Variants in ANKS1B observed in about 807,000 individuals in gnomAD.
ANKS1B encodes ankyrin repeat and sterile alpha motif domain-containing protein 1B.
In ANKS1B, 36 loss-of-function variants were observed where a neutral mutation model predicts 148.3. The ratio of observed to expected loss-of-function variants is 0.24; its 90% CI spans 0.19 to 0.32. ANKS1B has a LOEUF of 0.32. ANKS1B is among the 10% of genes least tolerant of loss of function. The pLI is 1.00. For synonymous variants in ANKS1B, 542 were observed against 560.8 expected, an observed-to-expected ratio of 0.97 and a Z score of 0.47; for missense variants, 1,157 against 1,542.6, an observed-to-expected ratio of 0.75 and a Z score of 4.19.
intron 15 of ANKS1B, among the ~76,000 whole-genome samples, chr12:99,104,177 G>A (rs545385921): frequency 9.9e-5 from 15 of 152,250 alleles, no homozygotes; most frequent in Non-Finnish European, 2.1e-4. Context: ...CTATGAGGGG[G>A]CTTTTGCAAT....
intron 17 of ANKS1B, among the ~76,000 whole-genome samples, chr12:99,021,201 T>G (rs1271992266): frequency 6.6e-6 from 1 of 152,112 alleles, no homozygotes; most frequent in East Asian, 1.9e-4. Context: ...CCAAAGCCCA[T>G]GTTGTTCCCA....
At chr12:98,775,857 G>A (rs926975722) in intron 24 of ANKS1B, among the ~76,000 whole-genome samples, 10 of 152,128 alleles carry the variant, frequency 6.6e-5, no homozygotes, top group Non-Finnish European at 1.2e-4. Flanking sequence ...CCTTCTCCCC[G>A]ACTGTGGAAA....
At chr12:99,314,689 T>C (rs1176216072) in intron 12 of ANKS1B, among the ~76,000 whole-genome samples, 1 of 152,112 alleles carries the variant, frequency 6.6e-6, no homozygotes, top group Admixed American at 6.5e-5. Flanking sequence ...ATTCAATAAA[T>C]GGTGGTGGGA....
chr12:99,010,072 A>T (rs185290799), intron 17 of ANKS1B, among the ~76,000 whole-genome samples: 1 of 152,122 alleles, frequency 6.6e-6, no homozygotes, highest in African/African-American at 2.4e-5. Flanking sequence ...ATCTTTGCCT[A>T]TTGCCAACTG....
chr12:98,800,217 G>GAAAAAAAA (rs770133422), intron 21 of ANKS1B, among the ~76,000 whole-genome samples: 1 of 39,174 alleles, frequency 2.6e-5, no homozygotes, highest in African/African-American at 8.4e-5. Context: ...AGCAGAAAAT[G>GAAAAAAAA]AAAAAAAAAA....
chr12:99,792,278 A>C (rs1355317624), intron 4 of ANKS1B, among the ~76,000 whole-genome samples: 1 of 151,910 alleles, frequency 6.6e-6, no homozygotes, highest in Non-Finnish European at 1.5e-5. Context: ...AGAAAAGTGC[A>C]GGACCGATGA....
intron 11 of ANKS1B, among the ~76,000 whole-genome samples, chr12:99,430,076 A>G (rs1469210904): frequency 6.6e-6 from 1 of 151,908 alleles, no homozygotes; most frequent in Non-Finnish European, 1.5e-5. Context: ...CTTTAGAAAA[A>G]AAAGATCTTT....
chr12:99,854,308 G>A (rs116690524), intron 1 of ANKS1B, among the ~76,000 whole-genome samples: 1,626 of 152,144 alleles, frequency 0.011, 29 homozygotes, highest in African/African-American at 0.038. Context: ...CACCACTCCC[G>A]GCCAAGACAA....
chr12:99,426,589 G>C (rs1252026699), intron 11 of ANKS1B, among the ~76,000 whole-genome samples: 1 of 152,102 alleles, frequency 6.6e-6, no homozygotes, highest in Admixed American at 6.5e-5. Context: ...AAATTTCACA[G>C]ACTAGTAAGA....
intron 11 of ANKS1B, among the ~76,000 whole-genome samples, chr12:99,416,985 C>A (rs1038280990): frequency 6.6e-6 from 1 of 152,158 alleles, no homozygotes; most frequent in Admixed American, 6.5e-5. Flanking sequence ...TGCAGTCAGG[C>A]CCCCTCTGAT....
chr12:99,888,860 T>C (rs1272760786), intron 1 of ANKS1B, among the ~76,000 whole-genome samples: 1 of 152,036 alleles, frequency 6.6e-6, no homozygotes, highest in East Asian at 1.9e-4. Context: ...TTGTTTCAAA[T>C]TGTATCTCTT....
intron 9 of ANKS1B, among the ~76,000 whole-genome samples, chr12:99,505,722 G>A (rs1228025828): frequency 2.0e-5 from 3 of 150,934 alleles, no homozygotes; most frequent in African/African-American, 4.9e-5. Flanking sequence ...GAAGTTCACA[G>A]TCTGCTGGAG....
rs376631883 is a variant in ANKS1B at position 99,229,767 on chromosome 12, T to C, written c.2419+14575A>G. Among the ~76,000 whole-genome samples, 3 of 152,048 alleles carry C rather than the reference T, an allele frequency of 2.0e-5. No homozygotes were observed. The East Asian group carries it at 5.8e-4, about 29-fold the overall frequency. On this transcript the variant is annotated intron_variant, in intron 14 of 26. Coordinates refer to ENST00000683438, the MANE Select transcript of ANKS1B (RefSeq NM_001352186.2). ...TCTTCTGTTGCCGGTATGAGGTCAC[T>C]AATGGTAGATTTTAGAAAATGCGCT...
chr12:99,721,950 T>C (rs1469843790), intron 8 of ANKS1B, among the ~76,000 whole-genome samples: 1 of 152,240 alleles, frequency 6.6e-6, no homozygotes, highest in Non-Finnish European at 1.5e-5. Flanking sequence ...AAAGTTTTAG[T>C]GCTCTGGAAA....
At chr12:99,978,881 C>T (rs560130327) in intron 1 of ANKS1B, among the ~76,000 whole-genome samples, 18 of 152,270 alleles carry the variant, frequency 1.2e-4, no homozygotes, top group Non-Finnish European at 2.1e-4. Context: ...TTACTAAATA[C>T]ACCTTATATA....
chr12:98,905,385 G>C (rs569406492), intron 17 of ANKS1B, among the ~76,000 whole-genome samples: 31 of 152,214 alleles, frequency 2.0e-4, no homozygotes, highest in African/African-American at 7.5e-4. Flanking sequence ...ACCCACATTG[G>C]CTCACAAGAG....
rs763899303 is a variant in ANKS1B at position 98,798,975 on chromosome 12, T to A, written c.3301A>T (p.Arg1101Trp). 1.9e-6 allele frequency: 3 copies of A among 1,609,668 alleles called. No individual in the cohort carries two copies. The South Asian group carries it at 3.3e-5, about 18-fold the overall frequency. Residue 1101 changes from arginine (R) to tryptophan (W), a missense_variant, in exon 22 of 27, where the codon AGG becomes TGG. Coordinates refer to ENST00000683438, the MANE Select transcript of ANKS1B (RefSeq NM_001352186.2). ...GCATCTTGGGTTGATTCTGTCCCCC[T>A]AAGCTCTTTTATCAGCATAGAACCT... ...YLGSMLIKEL[R>W]GTESTQDACA...
chr12:98,767,458 C>G (rs750889189), intron 25 of ANKS1B, among the ~76,000 whole-genome samples: 3 of 150,928 alleles, frequency 2.0e-5, no homozygotes, highest in African/African-American at 7.3e-5. Flanking sequence ...ACATTCTCTA[C>G]GCACTCCTGA....
intron 25 of ANKS1B, among the ~76,000 whole-genome samples, chr12:98,766,270 C>CT (rs1204158089): frequency 6.6e-6 from 1 of 152,002 alleles, no homozygotes; most frequent in Non-Finnish European, 1.5e-5. Flanking sequence ...TTTATCTATT[C>CT]TTTTTTGGGA....
Sources: gnomAD v4.1 joint callset for allele counts (sites outside exome capture counted in the v4.1 genomes callset) on GRCh38, gnomAD v4.1.1 for gene constraint, MANE v1.5 for transcripts, NCBI Gene and HGNC (gene_info 2026-07-23, HGNC 2026-07-21) for gene names.